PTP4A1: variants seen among roughly 807,000 people sequenced by gnomAD.
PTP4A1 encodes the protein protein tyrosine phosphatase 4A1, also known as protein tyrosine phosphatase type IVA 1.
PTP4A1 carries 9 observed loss-of-function variants against 20.5 expected under a neutral mutation model. That is an observed-to-expected ratio of 0.44 (90% CI 0.26 to 0.77). The LOEUF (loss-of-function observed/expected upper bound fraction) is 0.77. PTP4A1 is among the 30% of genes least tolerant of loss of function. The pLI, the probability that PTP4A1 is intolerant of heterozygous loss-of-function variation, is 0.19. For synonymous variants in PTP4A1, 78 were observed against 67.4 expected, an observed-to-expected ratio of 1.16 and a Z score of -0.77; for missense variants, 137 against 218.8, an observed-to-expected ratio of 0.63 and a Z score of 2.36.
upstream of PTP4A1, chr6:63,570,988 T>A (rs780955954): frequency 2.0e-5 from 3 of 152,236 alleles, no homozygotes; most frequent in Non-Finnish European, 2.9e-5. Flanking sequence ...TTTCTTAGAA[T>A]TTAAGATTTT....
At chr6:63,576,409 CTCTT>C (rs1219720034) in intron 1 of PTP4A1, 23 bp from the exon 2 acceptor site, 17 of 399,600 alleles carry the variant, frequency 4.3e-5, no homozygotes, top group African/African-American at 8.2e-5. Flanking sequence ...AACTTATTCT[CTCTT>C]TCTGTCTTTT....
At chr6:63,533,518 A>G (rs575757532) in intron 2 of PTP4A1, among the ~76,000 whole-genome samples, 3 of 152,240 alleles carry the variant, frequency 2.0e-5, no homozygotes, top group Admixed American at 1.3e-4. Flanking sequence ...ATTCACAGTG[A>G]GTTTGCTCAA....
At chr6:63,572,417 A>G (rs1321735301), upstream of PTP4A1, 1 of 355,032 alleles carries the variant, frequency 2.8e-6, no homozygotes, top group African/African-American at 2.1e-5. Context: ...CCAGGCCGCG[A>G]TTGGTGGCTG....
intron 2 of PTP4A1, among the ~76,000 whole-genome samples, chr6:63,540,582 C>G (rs558609892): frequency 2.6e-5 from 4 of 151,730 alleles, no homozygotes; most frequent in Non-Finnish European, 4.4e-5. Flanking sequence ...GATTGCTCCA[C>G]TCACTGCACT....
intron 3 of PTP4A1, among the ~76,000 whole-genome samples, chr6:63,555,502 C>T (rs754799872): frequency 6.6e-6 from 1 of 152,184 alleles, no homozygotes; most frequent in Non-Finnish European, 1.5e-5. Flanking sequence ...AGTATTACTA[C>T]TGCCAGTGTA....
intron 2 of PTP4A1, among the ~76,000 whole-genome samples, chr6:63,528,313 TG>T (rs1310517371): frequency 6.6e-6 from 1 of 152,180 alleles, no homozygotes; most frequent in African/African-American, 2.4e-5. Flanking sequence ...AGAATAGCAT[TG>T]GCTGGGCACA....
At position 63,574,709 on chromosome 6, in the gene PTP4A1, T is replaced by C. The variant is rs1581947485; in HGVS notation, c.-445-1727T>C. 2.0e-5 allele frequency among the ~76,000 whole-genome samples: 3 copies of C among 152,320 alleles called. No homozygotes were observed. In the Middle Eastern group the frequency reaches 0.01, roughly 518 times the overall value. ...TGAAAAAAAGGTAATACCTAGAAAT[T>C]AGAATACTGTGATGAGTCATTATAA... is the stretch of plus-strand genomic sequence containing the variant. On this transcript the variant is annotated intron_variant, in intron 1 of 5. Coordinates refer to ENST00000626021, the MANE Select transcript of PTP4A1 (RefSeq NM_003463.5).
chr6:63,551,932 C>T (rs1281169075), intron 3 of PTP4A1, among the ~76,000 whole-genome samples: 1 of 152,154 alleles, frequency 6.6e-6, no homozygotes, highest in Non-Finnish European at 1.5e-5. Context: ...TTTCTTAATC[C>T]AGTCTATCAC....
chr6:63,538,330 A>G (rs540140406), intron 2 of PTP4A1, among the ~76,000 whole-genome samples: 1 of 152,368 alleles, frequency 6.6e-6, no homozygotes, highest in South Asian at 2.1e-4. Context: ...AGTTCAGTGA[A>G]CATTGTTACA....
At chr6:63,537,116 T>C (rs568266028) in intron 2 of PTP4A1, among the ~76,000 whole-genome samples, 6 of 152,328 alleles carry the variant, frequency 3.9e-5, no homozygotes, top group African/African-American at 1.4e-4. Context: ...CATGGATTCA[T>C]GATGATAAAG....
At chr6:63,579,885 A>AT (rs1174130398) in intron 5 of PTP4A1, among the ~76,000 whole-genome samples, 172 bp from the exon 6 acceptor site, 3 of 152,242 alleles carry the variant, frequency 2.0e-5, no homozygotes, top group East Asian at 1.9e-4. Flanking sequence ...ACTTTTTATG[A>AT]TTTTTTCCAT....
At chr6:63,541,597 T>A (rs1775975076) in intron 2 of PTP4A1, among the ~76,000 whole-genome samples, 1 of 152,116 alleles carries the variant, frequency 6.6e-6, no homozygotes, top group African/African-American at 2.4e-5. Context: ...GAATATCAGA[T>A]TTTAGGACTG....
At position 63,572,627 on chromosome 6, in the gene PTP4A1, C is replaced by A; in HGVS notation, c.-538C>A. 1 of 421,514 alleles carries A rather than the reference C, an allele frequency of 2.4e-6. No individual in the cohort carries two copies. The allele number at this position is 421,514 out of a possible 1,614,324, so 26.1% of individuals were successfully genotyped here. On this transcript the variant is annotated 5_prime_UTR_variant, in exon 1 of 6. The change creates a new upstream start codon in the 5' untranslated region. Coordinates refer to ENST00000626021, the MANE Select transcript of PTP4A1 (RefSeq NM_003463.5). ...GCTCCGCCACGACCACCGCCGCCTC[C>A]TGCCCTGCAGCCACCGCCACCGCCT...
At chr6:63,535,646 C>T (rs1193569006) in intron 2 of PTP4A1, among the ~76,000 whole-genome samples, 2 of 152,024 alleles carry the variant, frequency 1.3e-5, no homozygotes, top group Non-Finnish European at 2.9e-5. Flanking sequence ...TTATAAAAAT[C>T]AATGTAATAC....
intron 3 of PTP4A1, among the ~76,000 whole-genome samples, chr6:63,558,363 TAGA>T (rs1435230363): frequency 6.6e-6 from 1 of 151,898 alleles, no homozygotes; most frequent in Admixed American, 6.6e-5. Context: ...AGTAAAAAAT[TAGA>T]AGGAGGGGGA....
rs759160228 is a variant in PTP4A1 at position 63,580,746 on chromosome 6, C to T, written c.*572C>T. 2.7e-5 allele frequency: 4 copies of T among 149,534 alleles called. No individual in the cohort carries two copies. The highest frequency in any genetic ancestry group is 3.9e-4 in the East Asian group (2 of 5,102). 9.3% of individuals were successfully genotyped at this position (149,534 alleles called of 1,614,324 possible). A position where few individuals can be genotyped will look rare whatever the true frequency, so the allele number is the denominator to read the frequency against. On this transcript the variant is annotated 3_prime_UTR_variant, in exon 6 of 6. Transcript: ENST00000626021. ...ACCATTGATTTTTTTTTTTTTTTAC[C>T]AAGTCTTACAGTGATTATTTTACGT...
chr6:63,579,460 TC>T (rs1171816859), intron 5 of PTP4A1, 129 bp downstream of exon 5: 18 of 608,990 alleles, frequency 3.0e-5, no homozygotes, highest in Non-Finnish European at 4.4e-5. Context: ...AACCAGGAAA[TC>T]AAGATCTTAC....
At chr6:63,571,102 A>G (rs1421672056), upstream of PTP4A1, 1 of 152,264 alleles carries the variant, frequency 6.6e-6, no homozygotes, top group Admixed American at 6.5e-5. Flanking sequence ...TAGGTGAGCC[A>G]TTTTCTTCCA....
At chr6:63,561,576 C>T (rs975236013) in intron 3 of PTP4A1, among the ~76,000 whole-genome samples, 3 of 152,160 alleles carry the variant, frequency 2.0e-5, no homozygotes, top group East Asian at 3.9e-4. Flanking sequence ...ATTTTGTTTC[C>T]GCTTACAATC....
Sources: gnomAD v4.1 joint callset for allele counts (sites outside exome capture counted in the v4.1 genomes callset) on GRCh38, gnomAD v4.1.1 for gene constraint, MANE v1.5 for transcripts, NCBI Gene and HGNC (gene_info 2026-07-23, HGNC 2026-07-21) for gene names.